The following ATXN2 variants were observed in gnomAD, a reference collection of about 807,000 sequenced individuals.
ATXN2 encodes the protein ataxin-2.
Under a neutral mutation model 138.6 loss-of-function variants are expected in ATXN2, and 37 were observed. The observed-to-expected ratio is 0.27, with a 90% CI of 0.21 to 0.35. ATXN2 has a LOEUF of 0.35. ATXN2 is among the 10% of genes least tolerant of loss of function. The pLI, the probability that ATXN2 is intolerant of heterozygous loss-of-function variation, is 1.00. For missense variants in ATXN2, 1,216 were observed against 1,480.3 expected, an observed-to-expected ratio of 0.82 and a Z score of 2.93; for synonymous variants, 549 against 543.7, an observed-to-expected ratio of 1.01 and a Z score of -0.13.
intron 5 of ATXN2, among the ~76,000 whole-genome samples, chr12:111,541,500 C>T (rs1881515486): frequency 4.7e-5 from 7 of 147,636 alleles, no homozygotes; most frequent in Admixed American, 3.4e-4. Context: ...TACAGGTATG[C>T]GCCACCATGA....
chr12:111,551,893 T>C (rs1475971447), intron 5 of ATXN2, among the ~76,000 whole-genome samples: 1 of 152,146 alleles, frequency 6.6e-6, no homozygotes, highest in Non-Finnish European at 1.5e-5. Context: ...CTTTCTTTTT[T>C]TTTTTGAAAC....
At chr12:111,571,327 A>T (rs760507780) in intron 1 of ATXN2, among the ~76,000 whole-genome samples, 1 of 152,210 alleles carries the variant, frequency 6.6e-6, no homozygotes, top group Non-Finnish European at 1.5e-5. Context: ...TCCACAAAAC[A>T]GTGTGAGGGA....
At chr12:111,532,803 G>A (rs1265134622) in intron 5 of ATXN2, among the ~76,000 whole-genome samples, 1 of 150,726 alleles carries the variant, frequency 6.6e-6, no homozygotes. Context: ...AAAGCAAATA[G>A]GTGAGGGACT....
chr12:111,468,401 C>A (rs1463833340), intron 20 of ATXN2: 1 of 152,168 alleles, frequency 6.6e-6, no homozygotes, highest in South Asian at 2.1e-4. Context: ...ATCCACAATA[C>A]AAAATTGAAA....
chr12:111,554,246 T>C, intron 2 of ATXN2, 29 bp from the exon 3 acceptor site: 1 of 1,226,556 alleles, frequency 8.2e-7, no homozygotes, highest in South Asian at 1.5e-5. Flanking sequence ...AAAAAACTAT[T>C]AGAAATTAGT....
chr12:111,568,274 A>T (rs987942498), intron 1 of ATXN2, among the ~76,000 whole-genome samples: 1 of 151,774 alleles, frequency 6.6e-6, no homozygotes, highest in Non-Finnish European at 1.5e-5. Flanking sequence ...AACAAAAAAC[A>T]AAACAAAAAA....
chr12:111,571,184 T>C (rs1019967680), intron 1 of ATXN2, among the ~76,000 whole-genome samples: 2 of 152,210 alleles, frequency 1.3e-5, no homozygotes, highest in Admixed American at 1.3e-4. Context: ...TCCCTGCTCC[T>C]GTGTACAACA....
rs759808728 is a variant in ATXN2 at position 111,598,945 on chromosome 12, C to A, written c.90G>T (p.Pro30=). 2 of 1,430,170 alleles carry A rather than the reference C, an allele frequency of 1.4e-6. No individual in the cohort carries two copies. 88.6% of individuals were successfully genotyped at this position (1,430,170 alleles called of 1,614,324 possible). ...QQQQQQQQQP[P]PAAANVRKPG... Reference sequence around the variant, plus strand: ...GCTTGCGGACATTGGCAGCCGCGGGCGGCGGCTGCTGCTGCTGCTGCTGCT... The same window carrying A: ...GCTTGCGGACATTGGCAGCCGCGGGAGGCGGCTGCTGCTGCTGCTGCTGCT... Residue 30 remains proline (P), a synonymous_variant, in exon 1 of 25, where the codon CCG becomes CCT. Coordinates refer to ENST00000673436, the MANE Select transcript of ATXN2 (RefSeq NM_001372574.1). The surrounding 1 kb of genome is among the most constrained non-coding windows in gnomAD (Gnocchi z 4.5).
chr12:111,563,565 T>C (rs1205158668), intron 1 of ATXN2, among the ~76,000 whole-genome samples: 1 of 152,140 alleles, frequency 6.6e-6, no homozygotes, highest in Admixed American at 6.5e-5. Flanking sequence ...AGAATTTTTA[T>C]TTTATATTAA....
At chr12:111,547,316 C>T (rs1227459294) in intron 5 of ATXN2, among the ~76,000 whole-genome samples, 1 of 151,820 alleles carries the variant, frequency 6.6e-6, no homozygotes, top group Admixed American at 6.6e-5. Flanking sequence ...AATCCCAGCT[C>T]CTCGGGAGGC....
chr12:111,481,780 G>A (rs1020784067), intron 18 of ATXN2, among the ~76,000 whole-genome samples: 4 of 152,136 alleles, frequency 2.6e-5, no homozygotes, highest in African/African-American at 9.6e-5. Flanking sequence ...TCCTGCCTCA[G>A]CCTCCTGAAT....
At chr12:111,548,860 T>C (rs540663732) in intron 5 of ATXN2, among the ~76,000 whole-genome samples, 3 of 152,280 alleles carry the variant, frequency 2.0e-5, no homozygotes, top group Non-Finnish European at 4.4e-5. Context: ...TAGCTGGGAT[T>C]ATAGACATGT....
intron 1 of ATXN2, among the ~76,000 whole-genome samples, chr12:111,592,850 G>A (rs942958049): frequency 7.2e-6 from 1 of 138,774 alleles, no homozygotes; most frequent in Non-Finnish European, 1.5e-5. Context: ...CTCCGTTGAA[G>A]TTGTCACAAT....
intron 14 of ATXN2, among the ~76,000 whole-genome samples, chr12:111,490,473 G>A (rs962844299): frequency 6.6e-6 from 1 of 152,100 alleles, no homozygotes; most frequent in African/African-American, 2.4e-5. Flanking sequence ...AATTCAGAAT[G>A]AGACCTGACT....
At chr12:111,526,690 C>T (rs1880526545) in intron 5 of ATXN2, among the ~76,000 whole-genome samples, 1 of 152,214 alleles carries the variant, frequency 6.6e-6, no homozygotes, top group Admixed American at 6.5e-5. Flanking sequence ...CAGGTGTGAG[C>T]AACCATGCCC....
At chr12:111,465,843 G>A (rs1875969395) in intron 20 of ATXN2, among the ~76,000 whole-genome samples, 1 of 151,302 alleles carries the variant, frequency 6.6e-6, no homozygotes, top group Non-Finnish European at 1.5e-5. Context: ...GAAGGGATGG[G>A]GTAGAGGCAA....
At chr12:111,536,476 T>G (rs616668) in intron 5 of ATXN2, among the ~76,000 whole-genome samples, 30,826 of 151,896 alleles carry the variant, frequency 0.2, 3,230 homozygotes, top group East Asian at 0.32. Context: ...GTGAAAAACA[T>G]AAGAAACCTC....
Position 111,452,739 on chromosome 12 carries a change from T to G in ATXN2, c.*73A>C, listed in dbSNP as rs1167178992. Reference sequence around the variant, plus strand: ...AAACAAAATAAATGAAATTCTAGTTTTCTGTGCTTCCAGTTGGTAGAAGCA... The same window carrying G: ...AAACAAAATAAATGAAATTCTAGTTGTCTGTGCTTCCAGTTGGTAGAAGCA... On this transcript the variant is annotated 3_prime_UTR_variant, in exon 25 of 25. Transcript: ENST00000673436. 1 of 1,462,516 alleles carries G rather than the reference T, an allele frequency of 6.8e-7. No individual in the cohort carries two copies. Among genetic ancestry groups the G allele is most frequent in the Admixed American group, 1.7e-5 (1 of 59,336 alleles). The allele number at this position is 1,462,516 out of a possible 1,614,324, so 90.6% of individuals were successfully genotyped here. A position where few individuals can be genotyped will look rare whatever the true frequency, so the allele number is the denominator to read the frequency against.
At chr12:111,464,250 GT>G (rs1481362479) in intron 21 of ATXN2, among the ~76,000 whole-genome samples, 16 of 141,514 alleles carry the variant, frequency 1.1e-4, no homozygotes, top group African/African-American at 3.7e-4. Flanking sequence ...GGCTTGGGGT[GT>G]GTGTGTGTGT....
Sources: gnomAD v4.1 joint callset for allele counts (sites outside exome capture counted in the v4.1 genomes callset) on GRCh38, gnomAD v4.1.1 for gene constraint, Gnocchi (gnomAD v3.1) non-coding constraint, MANE v1.5 for transcripts, NCBI Gene and HGNC (gene_info 2026-07-23, HGNC 2026-07-21) for gene names.